Variants in WSB1 observed in about 807,000 individuals in gnomAD.
The protein encoded by WSB1 is WD repeat and SOCS box-containing protein 1.
A neutral mutation model predicts 50.2 loss-of-function variants in WSB1; 23 were observed. That is an observed-to-expected ratio of 0.46 (90% CI 0.33 to 0.65). The LOEUF is 0.65. Among genes scored for constraint, WSB1 ranks in the 30% least tolerant of loss-of-function variants. The pLI, the probability that WSB1 is intolerant of heterozygous loss-of-function variation, is 0.02. For missense variants in WSB1, 492 were observed against 522.3 expected (o/e 0.94, Z 0.56); for synonymous variants, 179 against 172.0 (o/e 1.04, Z -0.32).
chr17:27,298,867 GA>G (rs370845522), intron 1 of WSB1, among the ~76,000 whole-genome samples: 5 of 148,200 alleles, frequency 3.4e-5, no homozygotes, highest in African/African-American at 1.2e-4. Flanking sequence ...GTCTTAAAAG[GA>G]AAAAAAAAAG....
intron 4 of WSB1, among the ~76,000 whole-genome samples, chr17:27,305,657 G>A (rs1028410055): frequency 6.6e-6 from 1 of 152,164 alleles, no homozygotes; most frequent in Non-Finnish European, 1.5e-5. Context: ...GAATTAGTAG[G>A]AAACAAAACC....
intron 1 of WSB1, 28 bp downstream of exon 1, chr17:27,294,463 A>G (rs1296623793): frequency 1.9e-6 from 3 of 1,611,380 alleles, no homozygotes; most frequent in African/African-American, 1.3e-5. Flanking sequence ...GGGTGGGCGC[A>G]TGAGGGCCGA....
chr17:27,303,968 A>G (rs72845636), intron 3 of WSB1, among the ~76,000 whole-genome samples: 262 of 152,330 alleles, frequency 1.7e-3, no homozygotes, highest in Middle Eastern at 3.4e-3. Context: ...TGCTTTTTCA[A>G]TGATTGATAG....
intron 1 of WSB1, among the ~76,000 whole-genome samples, chr17:27,300,850 A>T (rs1211865132): frequency 6.6e-6 from 1 of 150,852 alleles, no homozygotes; most frequent in Non-Finnish European, 1.5e-5. Context: ...CCAGCATACC[A>T]CCATGCCCGG....
At chr17:27,295,852 T>C (rs1486300126) in intron 1 of WSB1, among the ~76,000 whole-genome samples, 2 of 152,072 alleles carry the variant, frequency 1.3e-5, no homozygotes, top group Non-Finnish European at 2.9e-5. Context: ...TTTTTTTTTT[T>C]TGAGATGGAG....
chr17:27,294,338 C>G lies in WSB1; in HGVS notation c.-58C>G. ...GCGTCACGCCCCTCAGCGGTCGCCACTCTCTTCTCTGTTGTTGGGTCCGCA... is the reference window on the plus strand; with the variant it reads ...GCGTCACGCCCCTCAGCGGTCGCCAGTCTCTTCTCTGTTGTTGGGTCCGCA... On this transcript the variant is annotated 5_prime_UTR_variant, in exon 1 of 9. Transcript: ENST00000262394. 6 of 1,599,446 alleles carry G rather than the reference C, an allele frequency of 3.8e-6. No individual in the cohort carries two copies. Among genetic ancestry groups the G allele is most frequent in the Admixed American group, 1.7e-5 (1 of 59,146 alleles).
chr17:27,313,374 T>C lies in WSB1; in HGVS notation c.*1005T>C, dbSNP rs539155612. ...AATTGTTGTGAATTTGAAGAATCCG[T>C]CTACTGTATTATTGCTAAATATTTT... On this transcript the variant is annotated 3_prime_UTR_variant, in exon 9 of 9. Coordinates refer to ENST00000262394, the MANE Select transcript of WSB1 (RefSeq NM_015626.10). The C allele has an allele frequency of 6.6e-6, 1 of 151,850 alleles. No homozygotes were observed. Among genetic ancestry groups the C allele is most frequent in the South Asian group, 2.1e-4 (1 of 4,798 alleles). The allele number at this position is 151,850 out of a possible 1,614,324, so 9.4% of individuals were successfully genotyped here.
At chr17:27,307,791 GCA>G in intron 5 of WSB1, 1 of 1,533,294 alleles carries the variant, frequency 6.5e-7, no homozygotes, top group Non-Finnish European at 8.7e-7. Flanking sequence ...GGCACCACTC[GCA>G]CACAGGCGCA....
intron 1 of WSB1, among the ~76,000 whole-genome samples, chr17:27,296,775 TTAA>T (rs2016998440): frequency 6.6e-6 from 1 of 152,254 alleles, no homozygotes; most frequent in Admixed American, 6.5e-5. Context: ...AGCCTTTCCC[TTAA>T]TAAGGTCATT....
Position 27,304,833 on chromosome 17 carries a change from T to C in WSB1, c.532T>C (p.Phe178Leu), listed in dbSNP as rs1307539391. Residue 178 changes from phenylalanine to leucine, a missense_variant, in exon 4 of 9, where the codon TTT becomes CTT. Transcript: ENST00000262394. ...TACTGAAGTGGTCAGAGATTTAACT[T>C]TTGCTCCAGATGGAAGCTTGATCCT... The part of the protein sequence containing the change: ...DHTEVVRDLT[F>L]APDGSLILVS... The C allele has an allele frequency of 6.2e-7, 1 of 1,613,984 alleles. No homozygotes were observed. The highest frequency in any genetic ancestry group is 8.5e-7 in the Non-Finnish European group (1 of 1,180,002).
Position 27,314,238 on chromosome 17 carries a change from T to G in WSB1, c.*1869T>G, listed in dbSNP as rs892406364. The G allele has an allele frequency of 2.6e-5, 4 of 152,214 alleles. No individual in the cohort carries two copies. The highest frequency in any genetic ancestry group is 5.9e-5 in the Non-Finnish European group (4 of 68,038). The allele number at this position is 152,214 out of a possible 1,614,324, so 9.4% of individuals were successfully genotyped here. A position where few individuals can be genotyped will look rare whatever the true frequency, so the allele number is the denominator to read the frequency against. On this transcript the variant is annotated 3_prime_UTR_variant, in exon 9 of 9. Coordinates refer to ENST00000262394, the MANE Select transcript of WSB1 (RefSeq NM_015626.10). ...TAATCTTTATACTTCTTGTGACTTT[T>G]TTTCCCCTGCATTTTACTTTGTAAT...
rs766887201 is a variant in WSB1 at position 27,311,580 on chromosome 17, G to C, written c.1070G>C (p.Cys357Ser). 6.2e-7 allele frequency: 1 copy of C among 1,608,324 alleles called. No individual in the cohort carries two copies. The highest frequency in any genetic ancestry group is 1.4e-5 in the African/African-American group (1 of 73,884). The change falls in exon 8 of 9, where the codon TGT becomes TCT. Residue 357 changes from cysteine (C) to serine (S), a missense_variant. By Grantham distance (112) the Cys-to-Ser change is moderately radical (BLOSUM62 -1). Transcript: ENST00000262394. ...QVAPLSNGLC[C>S]AFSTDGSVLA... ...GCACCTTTGAGCAATGGTCTTTGCTGTGCCTTCTCTACTGATGGCAGTGTT... is the reference window on the plus strand; with the variant it reads ...GCACCTTTGAGCAATGGTCTTTGCTCTGCCTTCTCTACTGATGGCAGTGTT...
chr17:27,303,078 G>A lies in WSB1; in HGVS notation c.210-289G>A, dbSNP rs2017302334. ...TTATACTTGTGTTTTTAGGTTGAAG[G>A]AGCACCAGTTGATTCGGTGGTTTTG... On this transcript the variant is annotated intron_variant, in intron 2 of 8. Transcript: ENST00000262394. 1.5e-5 allele frequency: 4 copies of A among 263,350 alleles called. 1 individual carries two copies. In the South Asian group the frequency reaches 4.0e-4, roughly 26 times the overall value. 16.3% of individuals were successfully genotyped at this position (263,350 alleles called of 1,614,324 possible). A position where few individuals can be genotyped will look rare whatever the true frequency, so the allele number is the denominator to read the frequency against.
intron 4 of WSB1, among the ~76,000 whole-genome samples, chr17:27,305,317 T>A (rs1456836101): frequency 6.6e-6 from 1 of 152,210 alleles, no homozygotes; most frequent in Non-Finnish European, 1.5e-5. Flanking sequence ...AAATTTAAAT[T>A]GAAACATGAC....
chr17:27,305,739 AATC>A (rs2017425190), intron 4 of WSB1, among the ~76,000 whole-genome samples: 1 of 152,242 alleles, frequency 6.6e-6, no homozygotes, highest in Non-Finnish European at 1.5e-5. Context: ...AACATTAACA[AATC>A]ATGAAGGACC....
chr17:27,311,718 G>A (rs903059584), intron 8 of WSB1, 102 bp downstream of exon 8: 10 of 852,512 alleles, frequency 1.2e-5, no homozygotes, highest in Admixed American at 3.8e-5. Flanking sequence ...TGTAGCCTCC[G>A]TCTTCCAGTT....
chr17:27,304,232 G>C (rs2017350754), intron 3 of WSB1, among the ~76,000 whole-genome samples: 1 of 151,454 alleles, frequency 6.6e-6, no homozygotes, highest in East Asian at 1.9e-4. Context: ...TCAAAATTTG[G>C]GTTCTTGAAA....
chr17:27,307,370 A>G (rs956795574), intron 5 of WSB1: 3 of 256,284 alleles, frequency 1.2e-5, no homozygotes, highest in African/African-American at 4.5e-5. Flanking sequence ...TGTCTTACAT[A>G]GCATACCTAT....
chr17:27,307,423 T>C (rs2017507022), intron 5 of WSB1: 1 of 390,728 alleles, frequency 2.6e-6, no homozygotes, highest in African/African-American at 2.1e-5. Context: ...TTATGCTTAT[T>C]GATGAACTCT....
Sources: gnomAD v4.1 joint callset for allele counts (sites outside exome capture counted in the v4.1 genomes callset) on GRCh38, gnomAD v4.1.1 for gene constraint, MANE v1.5 for transcripts, NCBI Gene and HGNC (gene_info 2026-07-23, HGNC 2026-07-21) for gene names.